Variants in KLF12 observed in about 807,000 individuals in gnomAD.
KLF12 encodes Krueppel-like factor 12.
A neutral mutation model predicts 37.8 loss-of-function variants in KLF12; 9 were observed. The observed-to-expected ratio is 0.24, with a 90% CI of 0.14 to 0.42. The LOEUF (loss-of-function observed/expected upper bound fraction) is 0.42, where lower values mean the gene tolerates loss of function less well. Ranked by LOEUF, KLF12 falls within the 10% of genes least tolerant of loss-of-function variation. The probability of loss-of-function intolerance (pLI) is 1.00; values close to 1 mark genes in which losing one functional copy is unlikely to be tolerated. For missense variants in KLF12, 411 were observed against 516.0 expected (o/e 0.80, Z 1.97); for synonymous variants, 208 against 202.1 (o/e 1.03, Z -0.25).
chr13:73,849,375 T>TA (rs574332239), intron 3 of KLF12, among the ~76,000 whole-genome samples: 1,677 of 98,874 alleles, frequency 0.017, 69 homozygotes, highest in African/African-American at 0.056. Flanking sequence ...GGAGACTCCA[T>TA]AAAAAAAAAA....
intron 3 of KLF12, among the ~76,000 whole-genome samples, chr13:73,924,430 C>T (rs556883611): frequency 1.3e-5 from 2 of 152,150 alleles, no homozygotes; most frequent in Non-Finnish European, 2.9e-5. Context: ...TTTGTTATGG[C>T]GAGTTGTGAT....
chr13:74,200,642 A>G, the KLF12 span, among the ~76,000 whole-genome samples: 1 of 152,008 alleles, frequency 6.6e-6, no homozygotes, highest in Admixed American at 6.6e-5. Context: ...TTCTGAGAAA[A>G]AGGGGATCTC....
the KLF12 span, among the ~76,000 whole-genome samples, chr13:74,304,151 T>C: frequency 6.6e-6 from 1 of 152,156 alleles, no homozygotes; most frequent in Non-Finnish European, 1.5e-5. Flanking sequence ...TGCAGCTCTG[T>C]GATAAAGGCA....
At position 73,888,008 on chromosome 13, in the gene KLF12, A is replaced by AT. The variant is rs35761111; in HGVS notation, c.124-41636dup. The stretch of plus-strand genomic sequence containing the variant: ...TATGCGTCTGATTAAAAATTTCAGA[A>AT]TTTTTTTTTTTTGAGATGGAGTCTC... On this transcript the variant is annotated intron_variant, in intron 3 of 7. Coordinates refer to ENST00000377669, the MANE Select transcript of KLF12 (RefSeq NM_007249.5). 2.7e-3 allele frequency among the ~76,000 whole-genome samples: 400 copies of AT among 147,632 alleles called. 1 individual carries two copies. The highest frequency in any genetic ancestry group is 7.9e-3 in the African/African-American group (320 of 40,496).
At chr13:73,755,534 C>T (rs192958316) in intron 6 of KLF12, among the ~76,000 whole-genome samples, 9 of 152,110 alleles carry the variant, frequency 5.9e-5, no homozygotes, top group Non-Finnish European at 5.9e-5. Context: ...CAATGAATGT[C>T]CTAGGTGGTA....
the KLF12 span, among the ~76,000 whole-genome samples, chr13:74,139,985 C>G: frequency 6.6e-6 from 1 of 151,648 alleles, no homozygotes; most frequent in African/African-American, 2.4e-5. Context: ...ATACATTAAC[C>G]TAGGTATTAT....
intron 1 of KLF12, among the ~76,000 whole-genome samples, chr13:74,065,841 T>G (rs780558960): frequency 6.6e-6 from 1 of 152,008 alleles, no homozygotes; most frequent in Non-Finnish European, 1.5e-5. Context: ...ACATGTGACA[T>G]GAGGATTCTA....
intron 1 of KLF12, among the ~76,000 whole-genome samples, chr13:74,043,883 C>A (rs1355392380): frequency 6.6e-6 from 1 of 152,192 alleles, no homozygotes; most frequent in Admixed American, 6.5e-5. Context: ...AGCATTCTAT[C>A]TTTACTAACA....
intron 1 of KLF12, among the ~76,000 whole-genome samples, chr13:74,049,983 T>C (rs1872803421): frequency 6.6e-6 from 1 of 152,122 alleles, no homozygotes; most frequent in African/African-American, 2.4e-5. Context: ...TTGTTGTTGT[T>C]GTTGTTGTTG....
chr13:74,176,100 C>T, the KLF12 span, among the ~76,000 whole-genome samples: 12 of 152,096 alleles, frequency 7.9e-5, no homozygotes, highest in African/African-American at 2.4e-4. Context: ...TGATTTAAAC[C>T]TGGTTTTCTC....
intron 2 of KLF12, among the ~76,000 whole-genome samples, chr13:73,975,303 G>A (rs2138138119): frequency 6.6e-6 from 1 of 152,188 alleles, no homozygotes; most frequent in South Asian, 2.1e-4. Context: ...TATATGTGTT[G>A]TAATTTTGTT....
chr13:73,714,982 G>A (rs777688819), intron 7 of KLF12, among the ~76,000 whole-genome samples: 1 of 152,138 alleles, frequency 6.6e-6, no homozygotes, highest in Non-Finnish European at 1.5e-5. Context: ...TTGGGAGAGA[G>A]TTTTGAGGAG....
intron 1 of KLF12, among the ~76,000 whole-genome samples, chr13:73,996,644 G>A (rs1217589836): frequency 2.6e-5 from 4 of 151,990 alleles, no homozygotes; most frequent in African/African-American, 4.8e-5. Flanking sequence ...CTTTTATTAC[G>A]AATCACACAT....
At chr13:73,862,831 A>T (rs1885998739) in intron 3 of KLF12, among the ~76,000 whole-genome samples, 1 of 152,168 alleles carries the variant, frequency 6.6e-6, no homozygotes, top group Non-Finnish European at 1.5e-5. Flanking sequence ...TTCCCATGAG[A>T]TAAAGTTACT....
chr13:74,131,334 C>G (rs928092132), intron 1 of KLF12, among the ~76,000 whole-genome samples: 2 of 152,194 alleles, frequency 1.3e-5, no homozygotes, highest in African/African-American at 4.8e-5. Context: ...GATGCATGTT[C>G]TTCAGAATGA....
In KLF12 at chr13:74,021,299, A is replaced by C. The variant is rs138034233; in HGVS notation, c.-31-26246T>G. Among the ~76,000 whole-genome samples the C allele has an allele frequency of 2.4e-3, 358 of 152,218 alleles. 4 individuals carry two copies. Among genetic ancestry groups the C allele is most frequent in the African/African-American group, 8.0e-3 (330 of 41,472 alleles). ...ACTCCCACTTTTCTCATCAAGAAAAAAAAAAGATGCCTTACTATAATAAAT... is the reference window on the plus strand; with the variant it reads ...ACTCCCACTTTTCTCATCAAGAAAACAAAAAGATGCCTTACTATAATAAAT... On this transcript the variant is annotated intron_variant, in intron 1 of 7. Coordinates refer to ENST00000377669, the MANE Select transcript of KLF12 (RefSeq NM_007249.5).
At chr13:73,967,360 C>T (rs752831802) in intron 2 of KLF12, among the ~76,000 whole-genome samples, 6 of 152,166 alleles carry the variant, frequency 3.9e-5, no homozygotes, top group Non-Finnish European at 7.4e-5. Context: ...AAACAAATAA[C>T]GCATGGTGTA....
At chr13:73,792,376 C>A (rs1415837326) in intron 5 of KLF12, among the ~76,000 whole-genome samples, 1 of 152,070 alleles carries the variant, frequency 6.6e-6, no homozygotes, top group Non-Finnish European at 1.5e-5. Context: ...ATCCTAAAAT[C>A]TTATTTTTTG....
At chr13:74,057,308 C>T (rs1374833928) in intron 1 of KLF12, among the ~76,000 whole-genome samples, 5 of 152,098 alleles carry the variant, frequency 3.3e-5, no homozygotes, top group Admixed American at 2.0e-4. Context: ...TTCATAATGG[C>T]GAGACAGACA....
Sources: gnomAD v4.1 joint callset for allele counts (sites outside exome capture counted in the v4.1 genomes callset) on GRCh38, gnomAD v4.1.1 for gene constraint, MANE v1.5 for transcripts, NCBI Gene and HGNC (gene_info 2026-07-23, HGNC 2026-07-21) for gene names.